Variants in AGBL1 observed in about 807,000 individuals in gnomAD.
The protein encoded by AGBL1 is AGBL carboxypeptidase 1.
AGBL1 carries 130 observed loss-of-function variants against 118.9 expected under a neutral mutation model. The ratio of observed to expected loss-of-function variants is 1.09; its 90% CI spans 0.95 to 1.26. AGBL1 has a LOEUF of 1.26. Ranked by LOEUF, AGBL1 falls within the 50% of genes most tolerant of loss-of-function variation. The probability of loss-of-function intolerance (pLI) is 0.00; values close to 1 mark genes in which losing one functional copy is unlikely to be tolerated. For synonymous variants in AGBL1, 555 were observed against 478.9 expected, an observed-to-expected ratio of 1.16 and a Z score of -2.08; for missense variants, 1,584 against 1,298.1, an observed-to-expected ratio of 1.22 and a Z score of -3.38.
chr15:86,556,049 T>G (rs2083728936), intron 21 of AGBL1, among the ~76,000 whole-genome samples: 1 of 152,260 alleles, frequency 6.6e-6, no homozygotes, highest in Admixed American at 6.5e-5. Context: ...ATTTATTAGC[T>G]TGTGACTGTC....
intron 18 of AGBL1, among the ~76,000 whole-genome samples, chr15:86,410,298 T>C (rs1183153857): frequency 2.0e-5 from 3 of 152,152 alleles, no homozygotes; most frequent in Admixed American, 1.3e-4. Context: ...GCAATCTCAC[T>C]GCTTTTCTCA....
At chr15:86,591,907 G>T (rs903931076) in intron 21 of AGBL1, among the ~76,000 whole-genome samples, 2 of 152,162 alleles carry the variant, frequency 1.3e-5, no homozygotes, top group Non-Finnish European at 1.5e-5. Flanking sequence ...CCTAGGGGCT[G>T]CCAGTCACCA....
chr15:86,687,925 C>T (rs920421187), intron 22 of AGBL1, among the ~76,000 whole-genome samples: 2 of 152,140 alleles, frequency 1.3e-5, no homozygotes, highest in African/African-American at 4.8e-5. Context: ...ATATCCCAGG[C>T]ACAGTTCCCC....
chr15:86,280,531 T>C lies in AGBL1; in HGVS notation c.2220+748T>C, dbSNP rs2079334833. Among the ~76,000 whole-genome samples the C allele has an allele frequency of 2.0e-5, 3 of 152,338 alleles. No individual in the cohort carries two copies. In the South Asian group the frequency reaches 6.2e-4, roughly 32 times the overall value. ...ACTAACCCTTACTGCTACCATTTCG[T>C]GGATATCCTGAGGATAAATGAACTC... On this transcript the variant is annotated intron_variant, in intron 16 of 22. Coordinates refer to ENST00000614907, the MANE Select transcript of AGBL1 (RefSeq NM_001386094.1).
intron 1 of AGBL1, among the ~76,000 whole-genome samples, chr15:86,103,588 T>A (rs1248479812): frequency 6.6e-6 from 1 of 152,202 alleles, no homozygotes; most frequent in Non-Finnish European, 1.5e-5. Flanking sequence ...TGCAGTAGTA[T>A]AGTCTCCATG....
intron 21 of AGBL1, among the ~76,000 whole-genome samples, chr15:86,668,101 G>C (rs536814807): frequency 1.3e-5 from 2 of 152,052 alleles, no homozygotes; most frequent in Non-Finnish European, 2.9e-5. Context: ...CAATTCACTC[G>C]TTCCCATGGG....
At chr15:86,204,537 TCTC>T in intron 5 of AGBL1, among the ~76,000 whole-genome samples, 1 of 149,758 alleles carries the variant, frequency 6.7e-6, no homozygotes, top group Admixed American at 6.6e-5. Context: ...CTTCCTTTTT[TCTC>T]TTCTCTTCTC....
At chr15:86,347,440 A>G (rs1204312235) in intron 17 of AGBL1, among the ~76,000 whole-genome samples, 2 of 152,216 alleles carry the variant, frequency 1.3e-5, no homozygotes, top group Non-Finnish European at 2.9e-5. Flanking sequence ...GTTTTCCTGC[A>G]ATGGGTGAGT....
chr15:86,210,288 G>A (rs964330672), intron 5 of AGBL1, among the ~76,000 whole-genome samples: 8 of 152,130 alleles, frequency 5.3e-5, no homozygotes, highest in African/African-American at 1.9e-4. Flanking sequence ...TGACAATTAT[G>A]TGTCTTGGGG....
intron 18 of AGBL1, among the ~76,000 whole-genome samples, chr15:86,414,630 T>C (rs1016840612): frequency 2.0e-5 from 3 of 152,178 alleles, no homozygotes; most frequent in African/African-American, 7.2e-5. Context: ...TCAGTGCCAT[T>C]AAAATATTAA....
chr15:86,196,136 T>A (rs1361402881), intron 5 of AGBL1, among the ~76,000 whole-genome samples: 1 of 152,204 alleles, frequency 6.6e-6, no homozygotes, highest in Non-Finnish European at 1.5e-5. Flanking sequence ...ATATTTCAAA[T>A]AAATTATATC....
At chr15:86,579,174 A>G (rs899791506) in intron 21 of AGBL1, among the ~76,000 whole-genome samples, 2 of 152,206 alleles carry the variant, frequency 1.3e-5, no homozygotes, top group African/African-American at 4.8e-5. Context: ...TGAAATTTTC[A>G]GATGTCAAAA....
chr15:86,302,787 A>G (rs961180108), intron 17 of AGBL1, among the ~76,000 whole-genome samples: 2 of 151,442 alleles, frequency 1.3e-5, no homozygotes, highest in African/African-American at 4.9e-5. Context: ...TCAAAAAAAA[A>G]AAAAAAAAAA....
At chr15:86,173,500 G>T (rs1487157096) in intron 5 of AGBL1, among the ~76,000 whole-genome samples, 1 of 151,874 alleles carries the variant, frequency 6.6e-6, no homozygotes, top group African/African-American at 2.4e-5. Context: ...TGAGATCTTA[G>T]CCATAAAATC....
At chr15:86,964,677 G>A (rs1480519753) in intron 23 of AGBL1, among the ~76,000 whole-genome samples, 1 of 149,984 alleles carries the variant, frequency 6.7e-6, no homozygotes, top group Non-Finnish European at 1.5e-5. Context: ...TGGGATACAT[G>A]TGCAGAATGT....
chr15:86,563,766 A>G (rs1242258752), intron 21 of AGBL1, among the ~76,000 whole-genome samples: 1 of 152,140 alleles, frequency 6.6e-6, no homozygotes, highest in African/African-American at 2.4e-5. Context: ...GTGGGAGTCT[A>G]AGTCTCTTTG....
chr15:86,788,199 T>G (rs1401255372), intron 22 of AGBL1, among the ~76,000 whole-genome samples: 1 of 152,250 alleles, frequency 6.6e-6, no homozygotes, highest in African/African-American at 2.4e-5. Context: ...ACTTAGATGC[T>G]TTCTTTGGTC....
chr15:86,708,841 A>G (rs1488774650), intron 22 of AGBL1, among the ~76,000 whole-genome samples: 1 of 152,036 alleles, frequency 6.6e-6, no homozygotes, highest in African/African-American at 2.4e-5. Flanking sequence ...GCATCTCCCT[A>G]TAGCTACCCA....
rs148061130 is a variant in AGBL1, at chr15:86,390,018, C to T, written c.2375-7348C>T. ...AAATACAATATACAACCATATGGTG[C>T]TTCAAAAGAGAAATACTTGTAAAGC... On this transcript the variant is annotated intron_variant, in intron 17 of 22. Coordinates refer to ENST00000614907, the MANE Select transcript of AGBL1 (RefSeq NM_001386094.1). Among the ~76,000 whole-genome samples the T allele has an allele frequency of 1.8e-4, 27 of 152,132 alleles. No individual in the cohort carries two copies. The East Asian group carries it at 5.0e-3, about 28-fold the overall frequency.
Sources: allele counts gnomAD v4.1 joint callset (sites outside exome capture counted in the v4.1 genomes callset), GRCh38; gene constraint gnomAD v4.1.1; transcripts MANE v1.5; gene names NCBI Gene and HGNC (gene_info 2026-07-23, HGNC 2026-07-21).